FHL3: variants seen among roughly 807,000 people sequenced by gnomAD.
The protein encoded by FHL3 is four and a half LIM domains 3, also known as four and a half LIM domains protein 3.
In FHL3, 21 loss-of-function variants were observed where a neutral mutation model predicts 34.3. The observed-to-expected ratio is 0.61, with a 90% confidence interval of 0.43 to 0.88. The LOEUF is 0.88. Among genes scored for constraint, FHL3 ranks in the 40% least tolerant of loss-of-function variants. The pLI is 0.00. For missense variants in FHL3, 333 were observed against 373.7 expected (o/e 0.89, Z 0.90); for synonymous variants, 137 against 144.6 (o/e 0.95, Z 0.38).
At chr1:38,004,050 C>G (rs533663565) in intron 1 of FHL3, among the ~76,000 whole-genome samples, 1 of 152,046 alleles carries the variant, frequency 6.6e-6, no homozygotes, top group African/African-American at 2.4e-5. Context: ...CTTCTAGAAG[C>G]TGACAGGAGA....
chr1:38,005,250 G>A (rs1557765323), intron 1 of FHL3, 107 bp downstream of exon 1: 1 of 151,664 alleles, frequency 6.6e-6, no homozygotes, highest in Non-Finnish European at 1.5e-5. Flanking sequence ...GGGTACAGGG[G>A]ACCGGGGCCG....
In FHL3 at chr1:37,997,490, C is replaced by T. The variant is rs369660742; in HGVS notation, c.758G>A (p.Arg253His). The T allele has an allele frequency of 9.9e-6, 16 of 1,613,900 alleles. No individual in the cohort carries two copies. Among genetic ancestry groups the T allele is most frequent in the African/African-American group, 2.7e-5 (2 of 74,898 alleles). ...CTGGCCCACCAGGGAGGTAGAGCAGCGGGCGCAGGAGAAGCAGTTGTGGTG... is the reference window on the plus strand; with the variant it reads ...CTGGCCCACCAGGGAGGTAGAGCAGTGGGCGCAGGAGAAGCAGTTGTGGTG... ...HWHHNCFSCA[R>H]CSTSLVGQGF... Residue 253 changes from arginine (R) to histidine (H), a missense_variant, in exon 6 of 6, where the codon CGC (arginine) becomes CAC (histidine). Arg to His is a conservative substitution (Grantham distance 29, BLOSUM62 0). Transcript: ENST00000373016. This position sits in a 1 kb window ranked among gnomAD's most constrained non-coding sequence, Gnocchi z 4.3.
intron 1 of FHL3, among the ~76,000 whole-genome samples, chr1:38,004,836 G>T (rs1646627951): frequency 6.6e-6 from 1 of 152,186 alleles, no homozygotes; most frequent in South Asian, 2.1e-4. Context: ...GCCCGGGGAA[G>T]GGCCCTAGGG....
chr1:38,001,344 G>T (rs370933529), intron 1 of FHL3, among the ~76,000 whole-genome samples: 3 of 152,254 alleles, frequency 2.0e-5, no homozygotes, highest in African/African-American at 4.8e-5. Flanking sequence ...GCGTCCACAG[G>T]GGGTGCCTGG....
intron 1 of FHL3, among the ~76,000 whole-genome samples, chr1:38,004,737 C>CT (rs149459148): frequency 6.6e-6 from 1 of 152,332 alleles, no homozygotes; most frequent in East Asian, 1.9e-4. Flanking sequence ...CTGAATGTCT[C>CT]TGTCTCTAGT....
In FHL3 at chr1:37,996,906, C is replaced by T. The variant is rs1374227345; in HGVS notation, c.*499G>A. The T allele has an allele frequency of 1.9e-5, 3 of 154,694 alleles. No homozygotes were observed. Among genetic ancestry groups the T allele is most frequent in the African/African-American group, 4.8e-5 (2 of 41,454 alleles). 9.6% of individuals were successfully genotyped at this position (154,694 alleles called of 1,614,324 possible). Reference sequence around the variant, plus strand: ...GACCTGCTGGGCAGCACCCTGTACCCTAGGGCCCCTTATCAGTGGGCTCCT... The same window carrying T: ...GACCTGCTGGGCAGCACCCTGTACCTTAGGGCCCCTTATCAGTGGGCTCCT... On this transcript the variant is annotated 3_prime_UTR_variant, in exon 6 of 6. Transcript: ENST00000373016.
Position 37,998,681 on chromosome 1 carries a change from C to T in FHL3, c.331+293G>A, listed in dbSNP as rs539305277. On this transcript the variant is annotated intron_variant, in intron 3 of 5. Coordinates refer to ENST00000373016, the MANE Select transcript of FHL3 (RefSeq NM_004468.5). The stretch of plus-strand genomic sequence containing the variant: ...TTATCTGCTTCTGCATACATTAAGA[C>T]CCAATGCAACAAGCATGACAGTCTC... 1.5e-4 allele frequency: 63 copies of T among 426,274 alleles called. 1 individual carries two copies. The South Asian group carries it at 1.8e-3, about 12-fold the overall frequency. The allele number at this position is 426,274 out of a possible 1,614,324, so 26.4% of individuals were successfully genotyped here.
chr1:38,002,535 A>AT (rs35702463), intron 1 of FHL3, among the ~76,000 whole-genome samples: 6,014 of 106,786 alleles, frequency 0.056, 405 homozygotes, highest in African/African-American at 0.17. Context: ...TGCCAGCCCA[A>AT]TTTTTTTTTT....
intron 3 of FHL3, 73 bp from the exon 4 acceptor site, chr1:37,998,205 G>A: frequency 1.4e-6 from 2 of 1,401,390 alleles, no homozygotes; most frequent in Non-Finnish European, 1.0e-6. Context: ...AACTTCCCCA[G>A]GAGTCTCCAC....
chr1:38,001,685 G>A (rs761312368), intron 1 of FHL3, among the ~76,000 whole-genome samples: 2 of 152,190 alleles, frequency 1.3e-5, no homozygotes, highest in Non-Finnish European at 2.9e-5. Flanking sequence ...AGTGGGGCGG[G>A]GTTTGGGGGA....
At chr1:37,999,492 C>T in intron 1 of FHL3, 60 bp from the exon 2 acceptor site, 11 of 1,516,460 alleles carry the variant, frequency 7.3e-6, no homozygotes, top group South Asian at 1.2e-5. Context: ...TGGCTCCTGG[C>T]AAAGAGGCCT....
At chr1:37,999,198 C>A in intron 2 of FHL3, 50 bp from the exon 3 acceptor site, 1 of 1,613,782 alleles carries the variant, frequency 6.2e-7, no homozygotes, top group African/African-American at 1.3e-5. Flanking sequence ...ATGGACCCAT[C>A]CTTTGCCCCC....
Position 37,997,496 on chromosome 1 carries a change from CAGG to C in FHL3, c.749_751del (p.Ser250del). 6.2e-7 allele frequency: 1 copy of C among 1,614,018 alleles called. No individual in the cohort carries two copies. Among genetic ancestry groups the C allele is most frequent in the Non-Finnish European group, 8.5e-7 (1 of 1,179,980 alleles). ...CACCAGGGAGGTAGAGCAGCGGGCG[CAGG>C]AGAAGCAGTTGTGGTGCCAGTGTCG... is the stretch of plus-strand genomic sequence containing the variant. On this transcript the variant is annotated inframe_deletion, in exon 6 of 6. Transcript: ENST00000373016. The surrounding 1 kb of genome is among the most constrained non-coding windows in gnomAD (Gnocchi z 4.3).
In FHL3 at chr1:38,001,079, A is replaced by G. The variant is rs538903155; in HGVS notation, c.-20-1647T>C. Among the ~76,000 whole-genome samples, 8 of 152,338 alleles carry G rather than the reference A, an allele frequency of 5.3e-5. No individual in the cohort carries two copies. The South Asian group carries it at 1.7e-3, about 32-fold the overall frequency. On this transcript the variant is annotated intron_variant, in intron 1 of 5. Transcript: ENST00000373016. The stretch of plus-strand genomic sequence containing the variant: ...GCACCAGCAGATGCCCCCAGCTTGG[A>G]GGCCTGACTCTCCATACATCAAGCC...
At position 37,997,088 on chromosome 1, in the gene FHL3, T is replaced by G; in HGVS notation, c.*317A>C. ...GGGGGCCTAAGTCCCAGAGTCCAGG[T>G]TTGGAGGGCTCGGGTCTAGAGCCCT... is the stretch of plus-strand genomic sequence containing the variant. On this transcript the variant is annotated 3_prime_UTR_variant, in exon 6 of 6. Transcript: ENST00000373016. The surrounding 1 kb of genome is among the most constrained non-coding windows in gnomAD (Gnocchi z 4.3). 5.7e-5 allele frequency: 15 copies of G among 263,474 alleles called. No individual in the cohort carries two copies. Among genetic ancestry groups the G allele is most frequent in the East Asian group, 1.7e-4 (2 of 11,956 alleles). 16.3% of individuals were successfully genotyped at this position (263,474 alleles called of 1,614,324 possible). A position where few individuals can be genotyped will look rare whatever the true frequency, so the allele number is the denominator to read the frequency against.
At position 37,998,035 on chromosome 1, in the gene FHL3, G is replaced by A. The variant is rs373149981; in HGVS notation, c.429C>T (p.Pro143=). 2.1e-5 allele frequency: 34 copies of A among 1,613,992 alleles called. No individual in the cohort carries two copies. The highest frequency in any genetic ancestry group is 4.4e-5 in the South Asian group (4 of 91,088). Residue 143 remains proline (P), a synonymous_variant, in exon 4 of 6, where the codon CCC becomes CCT. Coordinates refer to ENST00000373016, the MANE Select transcript of FHL3 (RefSeq NM_004468.5). ...GCACGCAGTAGTGAGCACCCTTGTC[G>A]GGCACAAAAGAACGGGAGCCCAGTG... ...EQPLGSRSFV[P]DKGAHYCVPC...
rs968987270 is a variant in FHL3 at position 38,001,197 on chromosome 1, G to A, written c.-20-1765C>T. 2.6e-5 allele frequency among the ~76,000 whole-genome samples: 4 copies of A among 152,318 alleles called. 1 individual carries two copies. The Middle Eastern group carries it at 0.014, about 518-fold the overall frequency. ...CTTTAGAGCTGGAACTCCTGGGCTG[G>A]GGGCTATGGTGTAGAGAAGATACTC... On this transcript the variant is annotated intron_variant, in intron 1 of 5. Transcript: ENST00000373016.
chr1:37,999,225 C>A (rs1247756535), intron 2 of FHL3, 32 bp downstream of exon 2: 6 of 1,614,042 alleles, frequency 3.7e-6, no homozygotes, highest in Non-Finnish European at 5.1e-6. Context: ...TGGTCACCAC[C>A]CACCTCCTGC....
At chr1:38,000,930 A>G (rs1286663540) in intron 1 of FHL3, among the ~76,000 whole-genome samples, 1 of 152,180 alleles carries the variant, frequency 6.6e-6, no homozygotes, top group Non-Finnish European at 1.5e-5. Flanking sequence ...ACAAGGCTCC[A>G]GTGCTGGCAG....
Sources: allele counts gnomAD v4.1 joint callset (sites outside exome capture counted in the v4.1 genomes callset), GRCh38; gene constraint gnomAD v4.1.1; non-coding constraint Gnocchi (gnomAD v3.1); transcripts MANE v1.5; gene names NCBI Gene and HGNC (gene_info 2026-07-23, HGNC 2026-07-21).